Variants in FAM53B observed in about 807,000 individuals in gnomAD.
FAM53B encodes the protein protein FAM53B.
In FAM53B, 12 loss-of-function variants were observed where a neutral mutation model predicts 32.7. That is an observed-to-expected ratio of 0.37 (90% confidence interval 0.24 to 0.59). The LOEUF (loss-of-function observed/expected upper bound fraction) is 0.59, where lower values mean the gene tolerates loss of function less well. FAM53B is among the 20% of genes least tolerant of loss of function. FAM53B has a pLI of 0.72. For missense variants in FAM53B, 477 were observed against 577.7 expected, an observed-to-expected ratio of 0.83 and a Z score of 1.79; for synonymous variants, 234 against 228.7, an observed-to-expected ratio of 1.02 and a Z score of -0.21.
At chr10:124,643,548 C>T (rs899854917) in intron 4 of FAM53B, among the ~76,000 whole-genome samples, 6 of 152,202 alleles carry the variant, frequency 3.9e-5, no homozygotes, top group Admixed American at 1.3e-4. Flanking sequence ...GGAGGGCCAG[C>T]GGGGGGGTGC....
intron 4 of FAM53B, among the ~76,000 whole-genome samples, chr10:124,672,857 T>C (rs769514961): frequency 6.6e-6 from 1 of 152,170 alleles, no homozygotes; most frequent in Non-Finnish European, 1.5e-5. Context: ...GATACCTTCA[T>C]ACAGAGACAA....
intron 2 of FAM53B, among the ~76,000 whole-genome samples, chr10:124,699,864 C>T (rs1362523827): frequency 6.6e-6 from 1 of 152,340 alleles, no homozygotes; most frequent in East Asian, 1.9e-4. Context: ...CTTCTAAAGT[C>T]CTCCCAGCTG....
intron 4 of FAM53B, among the ~76,000 whole-genome samples, chr10:124,634,596 G>A (rs561805647): frequency 9.4e-4 from 143 of 152,334 alleles, no homozygotes; most frequent in Non-Finnish European, 1.5e-3. Flanking sequence ...TTCCCCTTCC[G>A]CCATGACTGT....
At chr10:124,645,745 G>C (rs1949508698) in intron 4 of FAM53B, among the ~76,000 whole-genome samples, 1 of 152,188 alleles carries the variant, frequency 6.6e-6, no homozygotes. Context: ...GCTGGCAGAA[G>C]TGCGCCAGGA....
At chr10:124,718,637 G>A (rs899763670) in intron 1 of FAM53B, among the ~76,000 whole-genome samples, 3 of 152,256 alleles carry the variant, frequency 2.0e-5, no homozygotes, top group Non-Finnish European at 4.4e-5. Flanking sequence ...CCCACCACCA[G>A]CCACAGCACA....
chr10:124,626,910 G>A (rs901031285), intron 4 of FAM53B, among the ~76,000 whole-genome samples: 5 of 152,228 alleles, frequency 3.3e-5, no homozygotes, highest in African/African-American at 1.2e-4. Context: ...GGTGTTCAGG[G>A]CTATCTGGAC....
rs1950216745 is a variant in FAM53B, at chr10:124,743,975, CGGCCACCGCCGCCGCCGCCCG to C, written c.-175+17_-175+37del. The C allele has an allele frequency of 6.7e-6, 1 of 149,364 alleles. No homozygotes were observed. The highest frequency in any genetic ancestry group is 2.4e-5 in the African/African-American group (1 of 41,016). 9.3% of individuals were successfully genotyped at this position (149,364 alleles called of 1,614,324 possible). A position where few individuals can be genotyped will look rare whatever the true frequency, so the allele number is the denominator to read the frequency against. On this transcript the variant is annotated intron_variant, in intron 1 of 4. Coordinates refer to ENST00000337318, the MANE Select transcript of FAM53B (RefSeq NM_014661.4). The stretch of plus-strand genomic sequence containing the variant: ...CGGACCTCGCTCGGGGCCAGCCCCC[CGGCCACCGCCGCCGCCGCCCG>C]GCCCCGGGTCGCTTACTGTGCGCGG...
At chr10:124,663,850 C>T (rs1481829637) in intron 4 of FAM53B, among the ~76,000 whole-genome samples, 1 of 152,074 alleles carries the variant, frequency 6.6e-6, no homozygotes, top group Non-Finnish European at 1.5e-5. Flanking sequence ...GAGACCGATG[C>T]TACTGCTCCT....
chr10:124,717,755 GC>G (rs1189835596), intron 1 of FAM53B, among the ~76,000 whole-genome samples: 2 of 152,190 alleles, frequency 1.3e-5, no homozygotes, highest in East Asian at 3.8e-4. Context: ...TTTCAGTGAC[GC>G]TAACAACAAC....
intron 4 of FAM53B, among the ~76,000 whole-genome samples, chr10:124,654,631 G>A (rs941558898): frequency 3.3e-5 from 5 of 152,206 alleles, no homozygotes; most frequent in Non-Finnish European, 1.5e-5. Context: ...CCAGGCATGT[G>A]CCAGGGTCCC....
chr10:124,716,422 G>A (rs369661550), intron 1 of FAM53B, among the ~76,000 whole-genome samples: 1 of 152,198 alleles, frequency 6.6e-6, no homozygotes, highest in Non-Finnish European at 1.5e-5. Context: ...TGTTCTCCTG[G>A]ACTTTTCAAT....
intron 4 of FAM53B, among the ~76,000 whole-genome samples, chr10:124,626,227 G>C (rs1191369069): frequency 6.6e-6 from 1 of 152,262 alleles, no homozygotes; most frequent in African/African-American, 2.4e-5. Context: ...CAATCGGACA[G>C]ACGCCGCACA....
chr10:124,657,037 A>T (rs1949593118), intron 4 of FAM53B, among the ~76,000 whole-genome samples: 2 of 146,938 alleles, frequency 1.4e-5, no homozygotes, highest in Non-Finnish European at 3.0e-5. Flanking sequence ...TTAAAGTATA[A>T]ATATATATAT....
intron 2 of FAM53B, among the ~76,000 whole-genome samples, chr10:124,706,328 G>A (rs1380615336): frequency 6.6e-6 from 1 of 152,206 alleles, no homozygotes; most frequent in Non-Finnish European, 1.5e-5. Context: ...AATGGGTGGA[G>A]ACAGAAGGAA....
intron 1 of FAM53B, among the ~76,000 whole-genome samples, chr10:124,721,451 G>A (rs1950067949): frequency 1.3e-5 from 2 of 152,372 alleles, no homozygotes; most frequent in African/African-American, 4.8e-5. Flanking sequence ...CCGCACTGCA[G>A]GCTTCAGTTC....
chr10:124,620,355 G>GCA lies in FAM53B; in HGVS notation c.*2886_*2887insTG, dbSNP rs139972068. 32 of 130,784 alleles carry GCA rather than the reference G, an allele frequency of 2.4e-4. 2 individuals are homozygous for GCA. Among genetic ancestry groups the GCA allele is most frequent in the African/African-American group, 9.1e-4 (31 of 34,026 alleles). 8.1% of individuals were successfully genotyped at this position (130,784 alleles called of 1,614,324 possible). A position where few individuals can be genotyped will look rare whatever the true frequency, so the allele number is the denominator to read the frequency against. On this transcript the variant is annotated 3_prime_UTR_variant, in exon 5 of 5. Coordinates refer to ENST00000337318, the MANE Select transcript of FAM53B (RefSeq NM_014661.4). ...ATGAGTGGGGTGCATGTGGCACTAA[G>GCA]CCCCCCCCACCGCCCCGGCTTTCCT...
At chr10:124,671,809 G>A (rs1949708838) in intron 4 of FAM53B, among the ~76,000 whole-genome samples, 1 of 151,982 alleles carries the variant, frequency 6.6e-6, no homozygotes, top group Non-Finnish European at 1.5e-5. Context: ...CTCCCAAAAA[G>A]GAATTATCCA....
intron 4 of FAM53B, among the ~76,000 whole-genome samples, chr10:124,657,987 C>T (rs529540149): frequency 6.6e-6 from 1 of 152,300 alleles, no homozygotes; most frequent in South Asian, 2.1e-4. Context: ...CTGAAAGCAG[C>T]TGTGACGATA....
rs77380458 is a variant in FAM53B, at chr10:124,666,567, G to T, written c.906+15040C>A. On this transcript the variant is annotated intron_variant, in intron 4 of 4. Coordinates refer to ENST00000337318, the MANE Select transcript of FAM53B (RefSeq NM_014661.4). ...GGAAAAATGGCCCAGGGCCTGTCAT[G>T]CTGCAAAGCTGTCTTCTCAGCACCC... 4.3e-3 allele frequency among the ~76,000 whole-genome samples: 656 copies of T among 152,280 alleles called. 12 individuals are homozygous for T. Among genetic ancestry groups the T allele is most frequent in the African/African-American group, 0.015 (618 of 41,548 alleles).
Sources: gnomAD v4.1 joint callset for allele counts (sites outside exome capture counted in the v4.1 genomes callset) on GRCh38, gnomAD v4.1.1 for gene constraint, MANE v1.5 for transcripts, NCBI Gene and HGNC (gene_info 2026-07-23, HGNC 2026-07-21) for gene names.